The following CA10 variants were observed in gnomAD, a reference collection of about 807,000 sequenced individuals.
The protein encoded by CA10 is carbonic anhydrase-related protein 10.
CA10 carries 14 observed loss-of-function variants against 44.2 expected under a neutral mutation model. The observed-to-expected ratio is 0.32, with a 90% CI of 0.21 to 0.50. The LOEUF (loss-of-function observed/expected upper bound fraction) is 0.50, where lower values mean the gene tolerates loss of function less well. CA10 is among the 20% of genes least tolerant of loss of function. CA10 has a pLI of 0.99. For missense variants in CA10, 350 were observed against 409.7 expected (o/e 0.85, Z 1.26); for synonymous variants, 159 against 141.6 (o/e 1.12, Z -0.87).
chr17:51,854,553 G>A (rs893901839), intron 3 of CA10, among the ~76,000 whole-genome samples: 5 of 152,148 alleles, frequency 3.3e-5, no homozygotes, highest in Non-Finnish European at 7.3e-5. Flanking sequence ...AGATGGCCGA[G>A]GAGTCACTTC....
intron 4 of CA10, among the ~76,000 whole-genome samples, chr17:51,717,827 GTGTA>G (rs1555589791): frequency 0.012 from 125 of 10,344 alleles, 21 homozygotes; most frequent in African/African-American, 0.043. Context: ...ATATATGTGT[GTGTA>G]TATATATATA....
chr17:51,927,328 G>A (rs532921707), intron 3 of CA10, among the ~76,000 whole-genome samples: 10 of 152,200 alleles, frequency 6.6e-5, no homozygotes, highest in East Asian at 1.9e-4. Flanking sequence ...AAAAGATGAC[G>A]GAACTGAGTT....
chr17:51,977,235 C>A (rs373355328), intron 2 of CA10, among the ~76,000 whole-genome samples: 6 of 151,774 alleles, frequency 4.0e-5, no homozygotes, highest in East Asian at 1.9e-4. Flanking sequence ...GGGAAAAAAA[C>A]CCCTCAAAAT....
intron 3 of CA10, among the ~76,000 whole-genome samples, chr17:51,797,711 G>A (rs986245474): frequency 2.6e-5 from 4 of 151,710 alleles, no homozygotes; most frequent in South Asian, 2.1e-4. Context: ...AAAATTAGCC[G>A]GGCATGGTGG....
intron 1 of CA10, among the ~76,000 whole-genome samples, chr17:52,086,533 T>C (rs774518727): frequency 2.0e-5 from 3 of 152,188 alleles, no homozygotes; most frequent in Admixed American, 6.5e-5. Flanking sequence ...GCCTCTTTAA[T>C]ACAACTAAAT....
At chr17:52,077,143 C>A (rs1351272755) in intron 1 of CA10, among the ~76,000 whole-genome samples, 1 of 152,148 alleles carries the variant, frequency 6.6e-6, no homozygotes, top group Non-Finnish European at 1.5e-5. Flanking sequence ...TTTTGAGAGA[C>A]AATGTTCATT....
chr17:52,048,395 T>TA (rs1208198879), intron 2 of CA10, among the ~76,000 whole-genome samples: 1 of 152,008 alleles, frequency 6.6e-6, no homozygotes, highest in African/African-American at 2.4e-5. Flanking sequence ...CACCTACTGT[T>TA]AGCCAGGCAC....
intron 1 of CA10, among the ~76,000 whole-genome samples, chr17:52,098,034 G>T (rs1336802453): frequency 6.6e-6 from 1 of 152,178 alleles, no homozygotes; most frequent in African/African-American, 2.4e-5. Flanking sequence ...GGGTGTGGGA[G>T]ATACACCAGG....
intron 3 of CA10, among the ~76,000 whole-genome samples, chr17:51,775,470 G>A (rs1198491086): frequency 1.3e-5 from 2 of 152,100 alleles, no homozygotes; most frequent in African/African-American, 2.4e-5. Context: ...GGGTGGGTAG[G>A]GAATGTTATT....
chr17:51,753,495 T>A (rs1904964624), intron 3 of CA10, among the ~76,000 whole-genome samples: 1 of 152,214 alleles, frequency 6.6e-6, no homozygotes, highest in Admixed American at 6.5e-5. Context: ...AAAATTTTCA[T>A]TCTTTGAAAT....
At chr17:51,989,764 T>G (rs1598154926) in intron 2 of CA10, among the ~76,000 whole-genome samples, 2 of 152,206 alleles carry the variant, frequency 1.3e-5, no homozygotes, top group East Asian at 3.9e-4. Context: ...AGACCACACT[T>G]TGAGTAGCAA....
chr17:51,638,720 T>C (rs944772852), intron 6 of CA10, among the ~76,000 whole-genome samples: 6 of 152,180 alleles, frequency 3.9e-5, no homozygotes, highest in African/African-American at 1.4e-4. Flanking sequence ...GACATAAATC[T>C]GCATTGGGCC....
At chr17:51,636,773 TTTTGTGTGTG>T (rs1366555265) in intron 6 of CA10, among the ~76,000 whole-genome samples, 18 of 45,684 alleles carry the variant, frequency 3.9e-4, no homozygotes, top group South Asian at 1.8e-3. Context: ...CAACTGATTA[TTTTGTGTGTG>T]TGTGTGTGTG....
intron 1 of CA10, among the ~76,000 whole-genome samples, chr17:52,092,487 C>A (rs1397326038): frequency 6.6e-6 from 1 of 152,046 alleles, no homozygotes; most frequent in Admixed American, 6.5e-5. Context: ...GGAGTAACAC[C>A]CTTCTTAGTA....
intron 3 of CA10, among the ~76,000 whole-genome samples, chr17:51,782,684 A>G (rs1906110507): frequency 6.6e-6 from 1 of 152,204 alleles, no homozygotes; most frequent in African/African-American, 2.4e-5. Flanking sequence ...TCCAGTGTGT[A>G]TGATCTTGGC....
intron 1 of CA10, among the ~76,000 whole-genome samples, chr17:52,081,954 C>G (rs1429099843): frequency 6.6e-6 from 1 of 152,106 alleles, no homozygotes; most frequent in Non-Finnish European, 1.5e-5. Context: ...ACCAGGGAGA[C>G]TAAGGGAGTA....
At chr17:51,955,613 C>T (rs1170056019) in intron 2 of CA10, among the ~76,000 whole-genome samples, 1 of 152,158 alleles carries the variant, frequency 6.6e-6, no homozygotes. Context: ...GAGAAACCTT[C>T]CAGCCAAAAT....
At chr17:52,022,859 T>G (rs144608143) in intron 2 of CA10, among the ~76,000 whole-genome samples, 1 of 151,932 alleles carries the variant, frequency 6.6e-6, no homozygotes, top group Non-Finnish European at 1.5e-5. Flanking sequence ...CTATTTACAA[T>G]AGCAACAACA....
chr17:51,737,526 T>TA (rs1265376415), intron 4 of CA10, among the ~76,000 whole-genome samples: 8 of 152,250 alleles, frequency 5.3e-5, no homozygotes, highest in African/African-American at 1.9e-4. Context: ...ATTGCACAAT[T>TA]ACCCTATAAT....
Sources: gnomAD v4.1 joint callset for allele counts (sites outside exome capture counted in the v4.1 genomes callset) on GRCh38, gnomAD v4.1.1 for gene constraint, MANE v1.5 for transcripts, NCBI Gene and HGNC (gene_info 2026-07-23, HGNC 2026-07-21) for gene names.